HSD17B11: variants seen among roughly 807,000 people sequenced by gnomAD.
HSD17B11 encodes hydroxysteroid 17-beta dehydrogenase 11, also known as estradiol 17-beta-dehydrogenase 11.
HSD17B11 carries 22 observed loss-of-function variants against 27.8 expected under a neutral mutation model. That is an observed-to-expected ratio of 0.79 (90% CI 0.56 to 1.13). The LOEUF is 1.13. HSD17B11 is among the 50% of genes most tolerant of loss of function. The pLI is 0.00. For synonymous variants in HSD17B11, 117 were observed against 132.8 expected, an observed-to-expected ratio of 0.88 and a Z score of 0.82; for missense variants, 314 against 351.1, an observed-to-expected ratio of 0.89 and a Z score of 0.84.
At chr4:87,346,723 C>G (rs9991773) in intron 5 of HSD17B11, among the ~76,000 whole-genome samples, 31,148 of 151,960 alleles carry the variant, frequency 0.2, 3,966 homozygotes, top group Non-Finnish European at 0.28. Context: ...ATTAATATAA[C>G]ATGGAAGTAC....
At chr4:87,358,414 GTTTAT>G (rs1397508178) in intron 4 of HSD17B11, among the ~76,000 whole-genome samples, 1 of 152,046 alleles carries the variant, frequency 6.6e-6, no homozygotes, top group Non-Finnish European at 1.5e-5. Flanking sequence ...AATGCAAAGC[GTTTAT>G]TTTAACAGCT....
intron 4 of HSD17B11, among the ~76,000 whole-genome samples, chr4:87,359,947 A>G (rs9993968): frequency 0.52 from 79,737 of 152,014 alleles, 21,214 homozygotes; most frequent in Non-Finnish European, 0.58. Flanking sequence ...GGCAACTTTT[A>G]TAAAGGAATA....
chr4:87,376,292 G>C (rs1735822148), intron 2 of HSD17B11, among the ~76,000 whole-genome samples: 1 of 152,044 alleles, frequency 6.6e-6, no homozygotes, highest in Non-Finnish European at 1.5e-5. Context: ...ATCACTTGAG[G>C]TCAGGAATCG....
intron 1 of HSD17B11, among the ~76,000 whole-genome samples, chr4:87,389,037 T>C (rs959952218): frequency 3.9e-5 from 6 of 152,158 alleles, no homozygotes; most frequent in Admixed American, 3.3e-4. Flanking sequence ...TGTTATTTTA[T>C]CCATTTTGCA....
At chr4:87,380,044 G>C (rs1405036203) in intron 2 of HSD17B11, among the ~76,000 whole-genome samples, 2 of 137,298 alleles carry the variant, frequency 1.5e-5, no homozygotes, top group Non-Finnish European at 3.0e-5. Flanking sequence ...CCAGGAGGCG[G>C]AGGTTGCAGT....
At chr4:87,385,233 G>A (rs1720277270) in intron 1 of HSD17B11, among the ~76,000 whole-genome samples, 1 of 152,054 alleles carries the variant, frequency 6.6e-6, no homozygotes, top group Non-Finnish European at 1.5e-5. Flanking sequence ...ATACACATAG[G>A]ATAGAATATT....
intron 5 of HSD17B11, among the ~76,000 whole-genome samples, chr4:87,356,112 G>A (rs1189265533): frequency 6.6e-6 from 1 of 152,162 alleles, no homozygotes; most frequent in Non-Finnish European, 1.5e-5. Context: ...AAGAGTCACA[G>A]AAGGCAGACT....
chr4:87,387,011 C>T (rs1295912524), intron 1 of HSD17B11: 1 of 152,302 alleles, frequency 6.6e-6, no homozygotes, highest in Non-Finnish European at 1.5e-5. Context: ...CCTCCTTAGA[C>T]AACTTGGTCT....
In HSD17B11 at chr4:87,372,877, G is replaced by C. The variant is rs113865377; in HGVS notation, c.451-62C>G. The C allele has an allele frequency of 1.8e-5, 18 of 975,078 alleles. No individual in the cohort carries two copies. The African/African-American group carries it at 2.5e-4, about 14-fold the overall frequency. The allele number at this position is 975,078 out of a possible 1,614,324, so 60.4% of individuals were successfully genotyped here. A position where few individuals can be genotyped will look rare whatever the true frequency, so the allele number is the denominator to read the frequency against. On this transcript the variant is annotated intron_variant, in intron 3 of 6. Coordinates refer to ENST00000358290, the MANE Select transcript of HSD17B11 (RefSeq NM_016245.5). ...TATTTCAGACTCACAGACCTATTGG[G>C]AATATTTTGAAACAAAAGTATATTT...
intron 5 of HSD17B11, among the ~76,000 whole-genome samples, chr4:87,345,888 A>G (rs936964212): frequency 6.6e-6 from 1 of 152,188 alleles, no homozygotes; most frequent in Non-Finnish European, 1.5e-5. Context: ...AATTAACACC[A>G]ATCCTTCAAA....
intron 3 of HSD17B11, 25 bp from the exon 4 acceptor site, chr4:87,372,840 G>A (rs1735746975): frequency 3.0e-6 from 4 of 1,355,030 alleles, no homozygotes; most frequent in Admixed American, 3.4e-5. Flanking sequence ...TATTAAAAGA[G>A]AAAAAATACT....
In HSD17B11 at chr4:87,372,750, C is replaced by A. The variant is rs765150541; in HGVS notation, c.516G>T (p.Ser172=). The part of the protein sequence containing the change: ...NNHGHIVTVA[S]AAGHVSVPFL... Reference sequence around the variant, plus strand: ...AGGGGACCGAGACATGTCCAGCTGCCGAAGCCACAGTGACAATATGGCCAT... The same window carrying A: ...AGGGGACCGAGACATGTCCAGCTGCAGAAGCCACAGTGACAATATGGCCAT... Residue 172 remains serine (S), a synonymous_variant, in exon 4 of 7, where the codon TCG becomes TCT. Coordinates refer to ENST00000358290, the MANE Select transcript of HSD17B11 (RefSeq NM_016245.5). 1 of 1,613,544 alleles carries A rather than the reference C, an allele frequency of 6.2e-7. No individual in the cohort carries two copies. The highest frequency in any genetic ancestry group is 8.5e-7 in the Non-Finnish European group (1 of 1,179,704).
intron 1 of HSD17B11, among the ~76,000 whole-genome samples, 162 bp from the exon 2 acceptor site, chr4:87,382,524 T>G (rs945984445): frequency 6.6e-6 from 1 of 152,206 alleles, no homozygotes; most frequent in East Asian, 1.9e-4. Flanking sequence ...ATAGGCACAT[T>G]TTGCTTTTAG....
chr4:87,374,918 G>C, intron 2 of HSD17B11, 88 bp from the exon 3 acceptor site: 1 of 985,728 alleles, frequency 1.0e-6, no homozygotes, highest in South Asian at 1.7e-5. Context: ...TTTTGAGACG[G>C]ATTCTTGCTC....
chr4:87,391,011 C>T lies in HSD17B11; in HGVS notation c.60G>A (p.Glu20=), dbSNP rs751226851. Reference sequence around the variant, plus strand: ...TAGGAATAAAAAGCTTCACGAAGGACTCTAGGGAGCAGACGATCAGTAACG... The same window carrying T: ...TAGGAATAAAAAGCTTCACGAAGGATTCTAGGGAGCAGACGATCAGTAACG... The part of the protein sequence containing the change: ...LLPLLIVCSL[E]SFVKLFIPKR... The change falls in exon 1 of 7, where the codon GAG becomes GAA. Residue 20 remains glutamate (E), a synonymous_variant. Transcript: ENST00000358290. 6.2e-7 allele frequency: 1 copy of T among 1,613,958 alleles called. No individual in the cohort carries two copies. The highest frequency in any genetic ancestry group is 8.5e-7 in the Non-Finnish European group (1 of 1,180,010).
At position 87,344,785 on chromosome 4, in the gene HSD17B11, G is replaced by T. The variant is rs11946007; in HGVS notation, c.696-4179C>A. Among the ~76,000 whole-genome samples the T allele has an allele frequency of 1.1e-4, 16 of 152,178 alleles. No individual in the cohort carries two copies. The East Asian group carries it at 3.1e-3, about 29-fold the overall frequency. ...TCTCAATATGTTTTAAAAGATTAAA[G>T]TTATACAAACTATGTTCTCTGACTA... On this transcript the variant is annotated intron_variant, in intron 5 of 6. Coordinates refer to ENST00000358290, the MANE Select transcript of HSD17B11 (RefSeq NM_016245.5).
At chr4:87,342,382 A>C (rs909773199) in intron 5 of HSD17B11, among the ~76,000 whole-genome samples, 8 of 106,716 alleles carry the variant, frequency 7.5e-5, no homozygotes, top group Non-Finnish European at 1.3e-4. Flanking sequence ...ACTTCGCTGC[A>C]AAAAAAAAAA....
chr4:87,387,521 G>A (rs1305749986), intron 1 of HSD17B11, among the ~76,000 whole-genome samples: 65 of 152,214 alleles, frequency 4.3e-4, no homozygotes, highest in Non-Finnish European at 5.9e-5. Flanking sequence ...CTGCTACCTG[G>A]ACTGCTCCAA....
chr4:87,367,558 C>T (rs1453862303), intron 4 of HSD17B11, among the ~76,000 whole-genome samples: 1 of 152,164 alleles, frequency 6.6e-6, no homozygotes, highest in Non-Finnish European at 1.5e-5. Context: ...TACAAATAAT[C>T]AGACCAAGTA....
Sources: gnomAD v4.1 joint callset for allele counts (sites outside exome capture counted in the v4.1 genomes callset) on GRCh38, gnomAD v4.1.1 for gene constraint, MANE v1.5 for transcripts, NCBI Gene and HGNC (gene_info 2026-07-23, HGNC 2026-07-21) for gene names.